SCARA5: variants seen among roughly 807,000 people sequenced by gnomAD.
The protein encoded by SCARA5 is scavenger receptor class A, member 5 (putative).
SCARA5 carries 45 observed loss-of-function variants against 46.3 expected under a neutral mutation model. The ratio of observed to expected loss-of-function variants is 0.97; its 90% CI spans 0.76 to 1.24. The LOEUF (loss-of-function observed/expected upper bound fraction) is 1.24. SCARA5 is among the 50% of genes most tolerant of loss of function. SCARA5 has a pLI of 0.00. For missense variants in SCARA5, 680 were observed against 689.0 expected, an observed-to-expected ratio of 0.99 and a Z score of 0.15; for synonymous variants, 333 against 306.5, an observed-to-expected ratio of 1.09 and a Z score of -0.90.
intron 1 of SCARA5, among the ~76,000 whole-genome samples, chr8:27,987,961 G>A (rs138077137): frequency 3.9e-5 from 6 of 152,176 alleles, no homozygotes; most frequent in African/African-American, 9.7e-5. Flanking sequence ...ACACTGGGTG[G>A]GGCCAGGAGG....
At chr8:27,939,068 A>T (rs1807902252) in intron 3 of SCARA5, among the ~76,000 whole-genome samples, 1 of 152,246 alleles carries the variant, frequency 6.6e-6, no homozygotes, top group Non-Finnish European at 1.5e-5. Context: ...ACTTTATACC[A>T]TACACAGAAT....
chr8:27,894,946 C>T (rs77866501), intron 7 of SCARA5, among the ~76,000 whole-genome samples: 13,038 of 152,144 alleles, frequency 0.086, 950 homozygotes, highest in East Asian at 0.19. Context: ...GCTCTGAGAA[C>T]GGAGCTGGTC....
At chr8:27,942,175 T>C (rs1563533376) in intron 3 of SCARA5, among the ~76,000 whole-genome samples, 1 of 152,088 alleles carries the variant, frequency 6.6e-6, no homozygotes. Context: ...AAATAGCTTT[T>C]CCACCATTAG....
At chr8:27,977,131 A>C (rs1808537204) in intron 2 of SCARA5, among the ~76,000 whole-genome samples, 1 of 152,208 alleles carries the variant, frequency 6.6e-6, no homozygotes, top group Non-Finnish European at 1.5e-5. Context: ...CAAGAGAGTG[A>C]GGGAGCCGCT....
intron 3 of SCARA5, among the ~76,000 whole-genome samples, chr8:27,950,075 G>C (rs1266052681): frequency 1.3e-5 from 2 of 152,162 alleles, no homozygotes; most frequent in African/African-American, 4.8e-5. Context: ...CTGAGAGCCT[G>C]GAAACGCTGG....
At chr8:27,908,790 C>G (rs191362345) in intron 5 of SCARA5, among the ~76,000 whole-genome samples, 223 of 152,244 alleles carry the variant, frequency 1.5e-3, no homozygotes, top group African/African-American at 5.1e-3. Context: ...AGCCTCAGTG[C>G]TGACTTTAGG....
intron 3 of SCARA5, among the ~76,000 whole-genome samples, chr8:27,926,634 G>A (rs186107268): frequency 3.3e-5 from 5 of 152,242 alleles, no homozygotes; most frequent in East Asian, 3.9e-4. Flanking sequence ...TGCTCTCAGA[G>A]GATCACAAAC....
intron 2 of SCARA5, among the ~76,000 whole-genome samples, chr8:27,970,046 G>A (rs1808425832): frequency 6.6e-6 from 1 of 152,128 alleles, no homozygotes; most frequent in Non-Finnish European, 1.5e-5. Flanking sequence ...AGAAGTAATG[G>A]TGTGTCACTT....
chr8:27,938,446 A>G (rs374830149), intron 3 of SCARA5, among the ~76,000 whole-genome samples: 6 of 152,160 alleles, frequency 3.9e-5, no homozygotes, highest in African/African-American at 1.4e-4. Context: ...GCCCTCAAAG[A>G]CTCACTAATC....
rs192968551 is a variant in SCARA5 at position 27,939,530 on chromosome 8, T to C, written c.242-17285A>G. The stretch of plus-strand genomic sequence containing the variant: ...CAGGAATTAGACCAGAGAGTAGCAA[T>C]GTCAGGCCTGTAAGAGACCCTGGCA... On this transcript the variant is annotated intron_variant, in intron 3 of 8. Coordinates refer to ENST00000354914, the MANE Select transcript of SCARA5 (RefSeq NM_173833.6). Among the ~76,000 whole-genome samples, 6 of 152,272 alleles carry C rather than the reference T, an allele frequency of 3.9e-5. No homozygotes were observed. The East Asian group carries it at 7.7e-4, about 20-fold the overall frequency.
At chr8:27,917,680 A>T (rs2129796477) in intron 4 of SCARA5, among the ~76,000 whole-genome samples, 1 of 152,308 alleles carries the variant, frequency 6.6e-6, no homozygotes, top group African/African-American at 2.4e-5. Context: ...TTTTTGCAGG[A>T]TGTGAGGATT....
intron 7 of SCARA5, among the ~76,000 whole-genome samples, chr8:27,893,517 C>T (rs1422944056): frequency 6.6e-6 from 1 of 151,570 alleles, no homozygotes; most frequent in Non-Finnish European, 1.5e-5. Context: ...CCAGATGCCC[C>T]TGAACCCTGG....
chr8:27,892,694 C>A (rs116158637), intron 7 of SCARA5, among the ~76,000 whole-genome samples: 102 of 151,384 alleles, frequency 6.7e-4, no homozygotes, highest in African/African-American at 2.5e-3. Context: ...ACTCAAGCCC[C>A]GCCTCCGGGG....
At chr8:27,939,621 C>CAGCTAGACA (rs1807911340) in intron 3 of SCARA5, among the ~76,000 whole-genome samples, 1 of 152,178 alleles carries the variant, frequency 6.6e-6, no homozygotes, top group Admixed American at 6.5e-5. Flanking sequence ...CTGGGTCACG[C>CAGCTAGACA]AGCTAGACAG....
At position 27,907,233 on chromosome 8, in the gene SCARA5, C is replaced by G. The variant is rs764299847; in HGVS notation, c.1011G>C (p.Glu337Asp). 8 of 1,613,208 alleles carry G rather than the reference C, an allele frequency of 5.0e-6. No homozygotes were observed. The highest frequency in any genetic ancestry group is 6.8e-6 in the Non-Finnish European group (8 of 1,179,484). The change falls in exon 6 of 9, where the codon GAG becomes GAC. Residue 337 changes from glutamate to aspartate, a missense_variant. Glu to Asp is a conservative substitution (Grantham distance 45). Coordinates refer to ENST00000354914, the MANE Select transcript of SCARA5 (RefSeq NM_173833.6). ...GCCCGGGCAATCCTGGGGTACCTCT[C>G]TCCCCGGGCAGACCTGGGGAGAAAA... ...GLPGLRGLPGERGTPGLPGPK... is the reference protein window; with the variant it reads ...GLPGLRGLPGDRGTPGLPGPK...
chr8:27,904,190 A>T (rs1053881296), intron 7 of SCARA5, among the ~76,000 whole-genome samples: 3 of 152,162 alleles, frequency 2.0e-5, no homozygotes, highest in African/African-American at 7.2e-5. Context: ...CATCAGTGGC[A>T]AATGGGGAAA....
At chr8:27,892,728 C>A (rs559571364) in intron 7 of SCARA5, among the ~76,000 whole-genome samples, 17 of 151,776 alleles carry the variant, frequency 1.1e-4, no homozygotes, top group Middle Eastern at 3.4e-3. Context: ...GCCTCAGCCT[C>A]CCGAGTAGCT....
chr8:27,932,705 T>C (rs1469855106), intron 3 of SCARA5, among the ~76,000 whole-genome samples: 1 of 152,260 alleles, frequency 6.6e-6, no homozygotes, highest in Non-Finnish European at 1.5e-5. Flanking sequence ...CTCGGCTCAC[T>C]GCAACCTCCG....
At chr8:27,991,247 C>T (rs191950877) in intron 1 of SCARA5, among the ~76,000 whole-genome samples, 16 of 152,276 alleles carry the variant, frequency 1.1e-4, no homozygotes, top group Non-Finnish European at 1.6e-4. Flanking sequence ...GTGAGCCTCC[C>T]GTGAGATAAT....
Sources: allele counts gnomAD v4.1 joint callset (sites outside exome capture counted in the v4.1 genomes callset), GRCh38; gene constraint gnomAD v4.1.1; transcripts MANE v1.5; gene names NCBI Gene and HGNC (gene_info 2026-07-23, HGNC 2026-07-21).